Variants in COL6A6 observed in about 807,000 individuals in gnomAD.
The protein encoded by COL6A6 is collagen type VI alpha 6 chain, also known as collagen alpha-6(VI) chain.
COL6A6 carries 183 observed loss-of-function variants against 208.6 expected under a neutral mutation model. The ratio of observed to expected loss-of-function variants is 0.88; its 90% CI spans 0.78 to 0.99. The LOEUF (loss-of-function observed/expected upper bound fraction) is 0.99. Among genes scored for constraint, COL6A6 ranks in the 50% least tolerant of loss-of-function variants. The pLI, the probability that COL6A6 is intolerant of heterozygous loss-of-function variation, is 0.00. For synonymous variants in COL6A6, 973 were observed against 1,011.8 expected (o/e 0.96, Z 0.73); for missense variants, 2,816 against 2,815.2 (o/e 1.00, Z -0.01).
intron 12 of COL6A6, among the ~76,000 whole-genome samples, chr3:130,590,540 T>C (rs1252550317): frequency 1.5e-5 from 2 of 137,872 alleles, no homozygotes; most frequent in Non-Finnish European, 3.1e-5. Context: ...AATTCCCACC[T>C]ATGAGTGAGA....
At chr3:130,623,569 T>TAAG (rs2064800610) in intron 24 of COL6A6, among the ~76,000 whole-genome samples, 1 of 152,144 alleles carries the variant, frequency 6.6e-6, no homozygotes, top group African/African-American at 2.4e-5. Context: ...GGGTGAGGAC[T>TAAG]TAACTTGTGA....
At position 130,565,150 on chromosome 3, in the gene COL6A6, A is replaced by G. The variant is rs781727947; in HGVS notation, c.818A>G (p.Tyr273Cys). ...TGCATGAGGGTTGGCCTTGTGGCCTATAGCAATGAGACAAAAGTGATAAAT... is the reference window on the plus strand; with the variant it reads ...TGCATGAGGGTTGGCCTTGTGGCCTGTAGCAATGAGACAAAAGTGATAAAT... Reference protein sequence around the residue: ...ENCMRVGLVAYSNETKVINSL... With the variant: ...ENCMRVGLVACSNETKVINSL... Residue 273 changes from tyrosine (Y) to cysteine (C), a missense_variant, in exon 4 of 37, where the codon TAT (tyrosine) becomes TGT (cysteine). Transcript: ENST00000358511. The G allele has an allele frequency of 1.2e-6, 2 of 1,614,052 alleles. No homozygotes were observed. The highest frequency in any genetic ancestry group is 2.2e-5 in the East Asian group (1 of 44,884).
chr3:130,665,771 A>G (rs1222192900), intron 36 of COL6A6, among the ~76,000 whole-genome samples: 1 of 152,230 alleles, frequency 6.6e-6, no homozygotes, highest in Non-Finnish European at 1.5e-5. Context: ...TCACAATGTA[A>G]TAACAATGTT....
At chr3:130,658,902 C>A in intron 34 of COL6A6, 130 bp downstream of exon 34, 1 of 639,082 alleles carries the variant, frequency 1.6e-6, no homozygotes, top group Non-Finnish European at 2.8e-6. Flanking sequence ...GGGTTCTGGG[C>A]CCACCCTGTC....
At chr3:130,622,210 C>CA (rs2064744775) in intron 24 of COL6A6, among the ~76,000 whole-genome samples, 1 of 142,384 alleles carries the variant, frequency 7.0e-6, no homozygotes, top group Non-Finnish European at 1.5e-5. Context: ...CCTACCCCCC[C>CA]CTTTTTTTTT....
At position 130,563,494 on chromosome 3, in the gene COL6A6, TA is replaced by T; in HGVS notation, c.492del (p.Val166CysfsTer9). 2 of 1,613,944 alleles carry T rather than the reference TA, an allele frequency of 1.2e-6. No individual in the cohort carries two copies. The highest frequency in any genetic ancestry group is 2.2e-5 in the South Asian group (2 of 91,078). On this transcript the variant is annotated frameshift_variant, in exon 3 of 37. Transcript: ENST00000358511. LOFTEE classifies it high-confidence loss of function. ...LRKDGVKIISVGVQKASEENL... is the reference protein window; with the variant it reads ...LRKDGVKIISXGVQKASEENL... ...AAAGACGGAGTGAAAATCATCTCTG[TA>T]GGGGTGCAGAAAGCTTCTGAGGAAA... is the stretch of plus-strand genomic sequence containing the variant.
chr3:130,610,682 A>T lies in COL6A6; in HGVS notation c.4786A>T (p.Lys1596Ter). ...AGGAGAGGCTGGTGTGAAAGGAGAA[A>T]AAGGAGGTGTGGGAAGTAAAGGTCC... Reference protein sequence around the residue: ...PRGEAGVKGEKGGVGSKGPQG... With the variant: ...PRGEAGVKGE Residue 1596 changes from lysine to a stop codon, truncating the protein, a stop_gained, in exon 23 of 37, where the codon AAA (lysine) becomes TAA (stop). Coordinates refer to ENST00000358511, the MANE Select transcript of COL6A6 (RefSeq NM_001102608.3). LOFTEE classifies it high-confidence loss of function. The T allele has an allele frequency of 6.3e-7, 1 of 1,592,628 alleles. No homozygotes were observed. The highest frequency in any genetic ancestry group is 8.6e-7 in the Non-Finnish European group (1 of 1,168,900).
rs1038934025 is a variant in COL6A6 at position 130,542,577 on chromosome 3, C to T, written c.-31-17757C>T. ...ATTGTTGAGTTCAGCTATGTCCTCA[C>T]TGATTTTCTGCCTGCTGGATCTGTT... On this transcript the variant is annotated intron_variant, in intron 1 of 36. Coordinates refer to ENST00000358511, the MANE Select transcript of COL6A6 (RefSeq NM_001102608.3). Among the ~76,000 whole-genome samples the T allele has an allele frequency of 3.3e-5, 5 of 152,102 alleles. No homozygotes were observed. In the East Asian group the frequency reaches 5.8e-4, roughly 18 times the overall value.
intron 1 of COL6A6, among the ~76,000 whole-genome samples, chr3:130,529,964 G>A (rs912684949): frequency 2.0e-5 from 3 of 152,222 alleles, no homozygotes; most frequent in Non-Finnish European, 4.4e-5. Flanking sequence ...GTTGTCCTCA[G>A]CCCTTCCGTA....
At chr3:130,651,935 C>G (rs1157806298) in intron 33 of COL6A6, among the ~76,000 whole-genome samples, 2 of 152,152 alleles carry the variant, frequency 1.3e-5, no homozygotes, top group African/African-American at 4.8e-5. Context: ...AATCTGGTTT[C>G]TTGATTCTAC....
intron 2 of COL6A6, among the ~76,000 whole-genome samples, chr3:130,562,768 T>C (rs2062922250): frequency 6.6e-6 from 1 of 152,222 alleles, no homozygotes; most frequent in Admixed American, 6.5e-5. Flanking sequence ...CTCTGTTTAT[T>C]TCTGTTTTAT....
intron 11 of COL6A6, among the ~76,000 whole-genome samples, chr3:130,588,581 G>A (rs1015834408): frequency 1.3e-5 from 2 of 152,158 alleles, no homozygotes; most frequent in Non-Finnish European, 2.9e-5. Context: ...TATCAGAATT[G>A]CTTTGGAAGA....
At chr3:130,538,136 A>G (rs781214040) in intron 1 of COL6A6, among the ~76,000 whole-genome samples, 5 of 152,248 alleles carry the variant, frequency 3.3e-5, no homozygotes, top group Non-Finnish European at 1.5e-5. Context: ...GACTCAGATC[A>G]GCAGGACTGG....
chr3:130,560,537 G>A (rs1351897381), intron 2 of COL6A6, 109 bp downstream of exon 2: 22 of 924,080 alleles, frequency 2.4e-5, no homozygotes, highest in Non-Finnish European at 2.4e-5. Context: ...TTTTGATTTT[G>A]ATGGTAGTGA....
chr3:130,594,832 G>A (rs182704079), intron 18 of COL6A6, among the ~76,000 whole-genome samples: 2 of 152,160 alleles, frequency 1.3e-5, no homozygotes, highest in South Asian at 2.1e-4. Flanking sequence ...GCAAAAGGAC[G>A]TCTTATATGG....
In COL6A6 at chr3:130,676,598, G is replaced by C. The variant is rs1232246821; in HGVS notation, c.*1201G>C. ...GAAAGAAGCCCTGCCTGGATGCATGGAGCAGATGGATACTGACACCAAGGA... is the reference window on the plus strand; with the variant it reads ...GAAAGAAGCCCTGCCTGGATGCATGCAGCAGATGGATACTGACACCAAGGA... On this transcript the variant is annotated 3_prime_UTR_variant, in exon 37 of 37. Coordinates refer to ENST00000358511, the MANE Select transcript of COL6A6 (RefSeq NM_001102608.3). 2.0e-5 allele frequency: 3 copies of C among 152,208 alleles called. No homozygotes were observed. Among genetic ancestry groups the C allele is most frequent in the African/African-American group, 7.2e-5 (3 of 41,454 alleles). The allele number at this position is 152,208 out of a possible 1,614,324, so 9.4% of individuals were successfully genotyped here.
intron 8 of COL6A6, among the ~76,000 whole-genome samples, chr3:130,576,937 A>T (rs372677116): frequency 1.3e-5 from 2 of 152,352 alleles, no homozygotes; most frequent in Admixed American, 6.5e-5. Flanking sequence ...TAAAATATGC[A>T]TAACTTTGGA....
intron 25 of COL6A6, 76 bp from the exon 26 acceptor site, chr3:130,627,243 A>G (rs549993365): frequency 3.4e-5 from 47 of 1,391,920 alleles, no homozygotes; most frequent in Non-Finnish European, 4.8e-5. Flanking sequence ...AAAAGCTGGC[A>G]ATGTTGTCCT....
At chr3:130,631,183 T>G (rs2064999579) in intron 26 of COL6A6, among the ~76,000 whole-genome samples, 1 of 46,534 alleles carries the variant, frequency 2.1e-5, no homozygotes, top group Non-Finnish European at 3.2e-5. Flanking sequence ...GAGAGAAGAA[T>G]CAAATAGACA....
Sources: allele counts gnomAD v4.1 joint callset (sites outside exome capture counted in the v4.1 genomes callset), GRCh38; gene constraint gnomAD v4.1.1; transcripts MANE v1.5; gene names NCBI Gene and HGNC (gene_info 2026-07-23, HGNC 2026-07-21).